The following CUL1 variants were observed in gnomAD, a reference collection of about 807,000 sequenced individuals.
CUL1 encodes cullin-1.
Under a neutral mutation model 118.0 loss-of-function variants are expected in CUL1, and 24 were observed. That is an observed-to-expected ratio of 0.20 (90% CI 0.15 to 0.29). The LOEUF (loss-of-function observed/expected upper bound fraction) is 0.29, where lower values mean the gene tolerates loss of function less well. CUL1 is among the 10% of genes least tolerant of loss of function. The pLI, the probability that CUL1 is intolerant of heterozygous loss-of-function variation, is 1.00. For missense variants in CUL1, 361 were observed against 933.8 expected (o/e 0.39, Z 7.99); for synonymous variants, 332 against 340.4 (o/e 0.98, Z 0.27).
chr7:148,766,859 G>A (rs755646446), intron 8 of CUL1, 136 bp downstream of exon 8: 23 of 752,476 alleles, frequency 3.1e-5, no homozygotes, highest in Non-Finnish European at 4.4e-5. Flanking sequence ...TTTGTACATC[G>A]TTATGTGCCA....
At chr7:148,725,245 A>ACACACACACACACACACC (rs1563151095) in intron 1 of CUL1, among the ~76,000 whole-genome samples, 3 of 151,256 alleles carry the variant, frequency 2.0e-5, no homozygotes, top group Non-Finnish European at 4.4e-5. Context: ...ACACACACAC[A>ACACACACACACACACACC]CACCCGTACC....
At chr7:148,699,625 C>G (rs1453818006) in intron 1 of CUL1, among the ~76,000 whole-genome samples, 1 of 152,188 alleles carries the variant, frequency 6.6e-6, no homozygotes, top group South Asian at 2.1e-4. Context: ...GGGTTCCCCG[C>G]CTGCATTGTT....
chr7:148,776,385 C>T (rs112421137), intron 9 of CUL1, among the ~76,000 whole-genome samples: 10,819 of 123,240 alleles, frequency 0.088, 482 homozygotes, highest in Middle Eastern at 0.15. Flanking sequence ...GGCATGATCT[C>T]GGCTCACTGC....
chr7:148,700,119 T>C (rs781358150), intron 1 of CUL1, among the ~76,000 whole-genome samples: 2 of 152,156 alleles, frequency 1.3e-5, no homozygotes, highest in Non-Finnish European at 2.9e-5. Context: ...TGGTTCGTAG[T>C]AGGGGTTAGT....
chr7:148,737,725 C>T (rs1007952179), intron 2 of CUL1, among the ~76,000 whole-genome samples: 6 of 151,914 alleles, frequency 3.9e-5, no homozygotes, highest in South Asian at 2.1e-4. Flanking sequence ...CTCAGCCTCC[C>T]GAGTGGCTGG....
At chr7:148,705,486 A>G (rs1797851211) in intron 1 of CUL1, among the ~76,000 whole-genome samples, 1 of 152,234 alleles carries the variant, frequency 6.6e-6, no homozygotes. Context: ...ATTATGAGAA[A>G]ACCGTTGCAC....
chr7:148,790,466 A>G (rs778675069), intron 16 of CUL1, 25 bp downstream of exon 16: 1 of 1,596,286 alleles, frequency 6.3e-7, no homozygotes, highest in Non-Finnish European at 8.6e-7. Flanking sequence ...TTATCTTAAA[A>G]TTTTTCTATT....
At chr7:148,779,724 T>A (rs541314287) in intron 9 of CUL1, among the ~76,000 whole-genome samples, 1 of 152,206 alleles carries the variant, frequency 6.6e-6, no homozygotes, top group African/African-American at 2.4e-5. Flanking sequence ...AGAAGAGTTG[T>A]TACAAGTTGT....
intron 4 of CUL1, among the ~76,000 whole-genome samples, chr7:148,757,609 G>A (rs1333566630): frequency 1.3e-5 from 2 of 152,150 alleles, no homozygotes; most frequent in African/African-American, 2.4e-5. Flanking sequence ...AGTAATATAC[G>A]TTTCTTCAGT....
At chr7:148,749,409 C>G (rs1290882957) in intron 2 of CUL1, among the ~76,000 whole-genome samples, 3 of 88,998 alleles carry the variant, frequency 3.4e-5, no homozygotes, top group Non-Finnish European at 6.1e-5. Flanking sequence ...GAGTGAGACT[C>G]CATCTCAAAA....
chr7:148,781,246 G>GT (rs1800621618), intron 9 of CUL1, among the ~76,000 whole-genome samples: 1 of 151,750 alleles, frequency 6.6e-6, no homozygotes, highest in Non-Finnish European at 1.5e-5. Context: ...ACCCTCAGCT[G>GT]ATTTTTTTGT....
intron 1 of CUL1, among the ~76,000 whole-genome samples, chr7:148,726,286 G>C (rs922218325): frequency 6.6e-6 from 1 of 151,924 alleles, no homozygotes; most frequent in African/African-American, 2.4e-5. Context: ...ATTTTATTTG[G>C]TATATTTTAA....
At chr7:148,749,610 C>CG (rs1223771628) in intron 2 of CUL1, among the ~76,000 whole-genome samples, 1 of 152,154 alleles carries the variant, frequency 6.6e-6, no homozygotes, top group African/African-American at 2.4e-5. Context: ...ATGCATGTGT[C>CG]TGCTCCACCG....
At chr7:148,716,376 C>T (rs891641489) in intron 1 of CUL1, among the ~76,000 whole-genome samples, 5 of 152,112 alleles carry the variant, frequency 3.3e-5, no homozygotes, top group African/African-American at 1.2e-4. Context: ...TTCTTGCTGA[C>T]GAAGTTAGAC....
chr7:148,786,699 A>G (rs923083071), intron 12 of CUL1, 100 bp downstream of exon 12: 4 of 1,019,186 alleles, frequency 3.9e-6, no homozygotes, highest in Non-Finnish European at 5.9e-6. Context: ...AAAAGTAATA[A>G]TCATTGATTT....
intron 2 of CUL1, among the ~76,000 whole-genome samples, chr7:148,747,784 C>T (rs1374994080): frequency 2.6e-5 from 4 of 152,120 alleles, no homozygotes; most frequent in Non-Finnish European, 4.4e-5. Context: ...TAAAATTAAA[C>T]ACTAAATTTG....
intron 1 of CUL1, among the ~76,000 whole-genome samples, chr7:148,719,724 TA>T (rs1339572398): frequency 5.5e-4 from 84 of 152,340 alleles, no homozygotes; most frequent in African/African-American, 1.8e-3. Flanking sequence ...TAAATATAAA[TA>T]AAAGGCAAGC....
intron 9 of CUL1, among the ~76,000 whole-genome samples, chr7:148,776,049 C>T (rs903574166): frequency 6.6e-6 from 1 of 151,852 alleles, no homozygotes; most frequent in African/African-American, 2.4e-5. Flanking sequence ...CTTAAATATC[C>T]GGTCAACTGC....
chr7:148,788,756 A>C, intron 14 of CUL1, 82 bp downstream of exon 14: 4 of 910,814 alleles, frequency 4.4e-6, no homozygotes, highest in Non-Finnish European at 5.2e-6. Flanking sequence ...TATTAGGTGA[A>C]GATGGGAGGG....
Sources: allele counts gnomAD v4.1 joint callset (sites outside exome capture counted in the v4.1 genomes callset), GRCh38; gene constraint gnomAD v4.1.1; transcripts MANE v1.5; gene names NCBI Gene and HGNC (gene_info 2026-07-23, HGNC 2026-07-21).